The following MYT1L variants were observed in gnomAD, a reference collection of about 807,000 sequenced individuals.
The protein encoded by MYT1L is myelin transcription factor 1 like.
A neutral mutation model predicts 126.7 loss-of-function variants in MYT1L; 12 were observed. That is an observed-to-expected ratio of 0.09 (90% CI 0.06 to 0.15). The LOEUF (loss-of-function observed/expected upper bound fraction) is 0.15. MYT1L is among the 10% of genes least tolerant of loss of function. MYT1L has a pLI of 1.00. For synonymous variants in MYT1L, 541 were observed against 604.2 expected (o/e 0.90, Z 1.53); for missense variants, 979 against 1,585.2 (o/e 0.62, Z 6.49).
chr2:2,263,039 G>A (rs1241190820), intron 2 of MYT1L, among the ~76,000 whole-genome samples: 1 of 146,976 alleles, frequency 6.8e-6, no homozygotes, highest in East Asian at 2.1e-4. Context: ...CCAAAAGGCA[G>A]GGCAAAAAAC....
chr2:1,901,145 C>G (rs953678915), intron 14 of MYT1L, among the ~76,000 whole-genome samples: 2 of 152,168 alleles, frequency 1.3e-5, no homozygotes, highest in Non-Finnish European at 2.9e-5. Flanking sequence ...CCTAAAGGCA[C>G]CGTGACCTGG....
intron 5 of MYT1L, among the ~76,000 whole-genome samples, chr2:1,996,478 C>A (rs2061857649): frequency 6.7e-6 from 1 of 149,620 alleles, no homozygotes; most frequent in African/African-American, 2.5e-5. Context: ...TCAGTGTGGG[C>A]TGCACAGAGC....
Position 1,790,406 on chromosome 2 carries a change from G to T in MYT1L, c.*1461C>A, listed in dbSNP as rs2031860425. 6.6e-6 allele frequency: 1 copy of T among 152,218 alleles called. No individual in the cohort carries two copies. Among genetic ancestry groups the T allele is most frequent in the Non-Finnish European group, 1.5e-5 (1 of 68,050 alleles). 9.4% of individuals were successfully genotyped at this position (152,218 alleles called of 1,614,324 possible). A position where few individuals can be genotyped will look rare whatever the true frequency, so the allele number is the denominator to read the frequency against. On this transcript the variant is annotated 3_prime_UTR_variant, in exon 25 of 25. Coordinates refer to ENST00000647738, the MANE Select transcript of MYT1L (RefSeq NM_001303052.2). ...AGAAGGGGGAACACAGCGCTCAAAA[G>T]TGGTCTTATGCATACATATAGTGCA...
At position 1,801,449 on chromosome 2, in the gene MYT1L, A is replaced by G; in HGVS notation, c.3276+247T>C. The stretch of plus-strand genomic sequence containing the variant: ...ATCCTCTGAAAATGCCTATTCACAA[A>G]TGCACTTTATTAAAAAACACAAACA... On this transcript the variant is annotated intron_variant, in intron 23 of 24. Transcript: ENST00000647738. The surrounding 1 kb of genome is among the most constrained non-coding windows in gnomAD (Gnocchi z 4.2). 2.5e-6 allele frequency: 1 copy of G among 400,014 alleles called. No homozygotes were observed. The highest frequency in any genetic ancestry group is 4.4e-6 in the Non-Finnish European group (1 of 226,654). 24.8% of individuals were successfully genotyped at this position (400,014 alleles called of 1,614,324 possible).
chr2:1,943,462 C>G lies in MYT1L; in HGVS notation c.153-128G>C, dbSNP rs957301076. 74 of 1,091,582 alleles carry G rather than the reference C, an allele frequency of 6.8e-5. No individual in the cohort carries two copies. The highest frequency in any genetic ancestry group is 8.9e-6 in the Non-Finnish European group (7 of 790,716). The allele number at this position is 1,091,582 out of a possible 1,614,324, so 67.6% of individuals were successfully genotyped here. The stretch of plus-strand genomic sequence containing the variant: ...AGGCTTATCATGAATGTCATCAGCA[C>G]AAACACCAGAGAGACATAACATACA... On this transcript the variant is annotated intron_variant, in intron 8 of 24. Coordinates refer to ENST00000647738, the MANE Select transcript of MYT1L (RefSeq NM_001303052.2). This position sits in a 1 kb window ranked among gnomAD's most constrained non-coding sequence, Gnocchi z 4.4.
rs1252714228 is a variant in MYT1L at position 1,984,871 on chromosome 2, A to G, written c.1-5094T>C. ...CTCAGTAAAATCCCTTGGAGTCCTC[A>G]GTGGCTGCTTTCTGATGTCAAGTAC... On this transcript the variant is annotated intron_variant, in intron 5 of 24. Transcript: ENST00000647738. 2.0e-5 allele frequency among the ~76,000 whole-genome samples: 3 copies of G among 152,132 alleles called. No individual in the cohort carries two copies. The East Asian group carries it at 5.8e-4, about 29-fold the overall frequency.
At chr2:2,143,881 T>C (rs1011405665) in intron 3 of MYT1L, among the ~76,000 whole-genome samples, 9 of 151,666 alleles carry the variant, frequency 5.9e-5, no homozygotes, top group African/African-American at 9.7e-5. Context: ...AAATGCCATG[T>C]GTTCTCACTT....
intron 3 of MYT1L, among the ~76,000 whole-genome samples, chr2:2,152,721 A>T (rs914100972): frequency 1.3e-5 from 2 of 152,158 alleles, no homozygotes; most frequent in African/African-American, 4.8e-5. Flanking sequence ...TAAATAATTC[A>T]ATTCTACTGG....
chr2:1,959,897 C>T (rs1026058365), intron 8 of MYT1L, among the ~76,000 whole-genome samples: 2 of 152,174 alleles, frequency 1.3e-5, no homozygotes, highest in Admixed American at 6.5e-5. Context: ...ATGAATTATA[C>T]ATTTAGATAG....
At chr2:2,086,196 C>T (rs2076334873) in intron 3 of MYT1L, among the ~76,000 whole-genome samples, 1 of 151,984 alleles carries the variant, frequency 6.6e-6, no homozygotes, top group Non-Finnish European at 1.5e-5. Flanking sequence ...TTTAGTAAGG[C>T]AACATGCTGT....
chr2:1,896,355 G>A (rs2049562828), intron 14 of MYT1L, among the ~76,000 whole-genome samples: 1 of 152,200 alleles, frequency 6.6e-6, no homozygotes, highest in South Asian at 2.1e-4. Context: ...AATGAAAATA[G>A]ATCGTTGTAC....
intron 8 of MYT1L, among the ~76,000 whole-genome samples, chr2:1,973,934 G>A (rs548870704): frequency 6.6e-6 from 1 of 152,326 alleles, no homozygotes; most frequent in Admixed American, 6.5e-5. Context: ...CCAGCAAACT[G>A]CTACGAGGGT....
chr2:2,295,591 GAC>G (rs72308975), intron 1 of MYT1L, among the ~76,000 whole-genome samples: 9 of 47,616 alleles, frequency 1.9e-4, no homozygotes, highest in South Asian at 6.3e-4. Flanking sequence ...GAGACAGACA[GAC>G]AGAGAGAGAG....
chr2:1,942,962 G>A lies in MYT1L; in HGVS notation c.505+20C>T, dbSNP rs2056815130. ...GACCCAAATCACGACTTGTTACTTT[G>A]CTAATATTTTAAAGATTACCGTTTT... On this transcript the variant is annotated intron_variant, in intron 9 of 24. Coordinates refer to ENST00000647738, the MANE Select transcript of MYT1L (RefSeq NM_001303052.2). 6.6e-7 allele frequency: 1 copy of A among 1,509,108 alleles called. No individual in the cohort carries two copies. The highest frequency in any genetic ancestry group is 8.9e-7 in the Non-Finnish European group (1 of 1,124,576). 93.5% of individuals were successfully genotyped at this position (1,509,108 alleles called of 1,614,324 possible).
chr2:2,291,960 C>T (rs2095606174), intron 1 of MYT1L, among the ~76,000 whole-genome samples: 1 of 152,230 alleles, frequency 6.6e-6, no homozygotes, highest in African/African-American at 2.4e-5. Flanking sequence ...CGACAGCCCG[C>T]AGGTGCAGGG....
chr2:1,929,480 C>T lies in MYT1L; in HGVS notation c.506-6217G>A, dbSNP rs947518997. On this transcript the variant is annotated intron_variant, in intron 9 of 24. Coordinates refer to ENST00000647738, the MANE Select transcript of MYT1L (RefSeq NM_001303052.2). This position sits in a 1 kb window ranked among gnomAD's most constrained non-coding sequence, Gnocchi z 4.7. ...GATGCACGTGTCTTCCCTGCCAGGC[C>T]GCACTGTCCCTGGCTCCGCTCTAGC... Among the ~76,000 whole-genome samples the T allele has an allele frequency of 1.1e-4, 16 of 152,162 alleles. 1 individual carries two copies. The highest frequency in any genetic ancestry group is 3.4e-4 in the African/African-American group (14 of 41,452).
intron 21 of MYT1L, among the ~76,000 whole-genome samples, chr2:1,830,471 T>C (rs565582169): frequency 1.3e-5 from 2 of 151,698 alleles, no homozygotes; most frequent in African/African-American, 2.4e-5. Flanking sequence ...GATGGGGAGA[T>C]GGAGGAAAGG....
At chr2:1,936,000 C>A (rs999161703) in intron 9 of MYT1L, among the ~76,000 whole-genome samples, 3 of 152,144 alleles carry the variant, frequency 2.0e-5, no homozygotes, top group Non-Finnish European at 2.9e-5. Flanking sequence ...CTCACAGCAA[C>A]CTCCGCCTCC....
chr2:2,072,134 G>A (rs527606755), intron 3 of MYT1L, among the ~76,000 whole-genome samples: 14 of 152,208 alleles, frequency 9.2e-5, no homozygotes, highest in East Asian at 1.9e-4. Context: ...TTTGAAAGCC[G>A]CTCTCTGCTG....
Sources: gnomAD v4.1 joint callset for allele counts (sites outside exome capture counted in the v4.1 genomes callset) on GRCh38, gnomAD v4.1.1 for gene constraint, Gnocchi (gnomAD v3.1) non-coding constraint, MANE v1.5 for transcripts, NCBI Gene and HGNC (gene_info 2026-07-23, HGNC 2026-07-21) for gene names.